AGBL4: variants seen among roughly 807,000 people sequenced by gnomAD.
AGBL4 encodes the protein cytosolic carboxypeptidase 6.
AGBL4 carries 58 observed loss-of-function variants against 66.4 expected under a neutral mutation model. The observed-to-expected ratio is 0.87, with a 90% CI of 0.71 to 1.09. AGBL4 has a LOEUF of 1.09. Ranked by LOEUF, AGBL4 falls within the 50% of genes least tolerant of loss-of-function variation. AGBL4 has a pLI of 0.00. For missense variants in AGBL4, 579 were observed against 631.0 expected (o/e 0.92, Z 0.88); for synonymous variants, 234 against 222.9 (o/e 1.05, Z -0.44).
At chr1:49,756,243 G>T (rs1437242879) in intron 2 of AGBL4, among the ~76,000 whole-genome samples, 1 of 151,558 alleles carries the variant, frequency 6.6e-6, no homozygotes. Context: ...TAACCACGCA[G>T]ATATACCAGG....
At chr1:49,848,144 G>A (rs1268321895) in intron 2 of AGBL4, among the ~76,000 whole-genome samples, 1 of 152,200 alleles carries the variant, frequency 6.6e-6, no homozygotes, top group East Asian at 1.9e-4. Flanking sequence ...AGAGACAAGA[G>A]AATGCTTATC....
intron 8 of AGBL4, among the ~76,000 whole-genome samples, chr1:48,643,106 CAT>C (rs1645783488): frequency 1.3e-5 from 2 of 152,206 alleles, no homozygotes; most frequent in Admixed American, 6.5e-5. Flanking sequence ...AAGTGCTACA[CAT>C]GTTAGCTGTT....
chr1:49,004,747 G>C (rs61786050), intron 5 of AGBL4, among the ~76,000 whole-genome samples: 1 of 152,192 alleles, frequency 6.6e-6, no homozygotes, highest in Non-Finnish European at 1.5e-5. Context: ...AAGTAAGGGG[G>C]ACATTTGATC....
rs1570266465 is a variant in AGBL4 at position 49,262,682 on chromosome 1, T to C, written c.283-16818A>G. On this transcript the variant is annotated intron_variant, in intron 3 of 13. Coordinates refer to ENST00000371839, the MANE Select transcript of AGBL4 (RefSeq NM_032785.4). ...AGGTGCTGGAGAGGATGTGGAGAAA[T>C]AGGAACACTTTTACACTGTTGGTGG... Among the ~76,000 whole-genome samples, 4 of 152,174 alleles carry C rather than the reference T, an allele frequency of 2.6e-5. No individual in the cohort carries two copies. In the East Asian group the frequency reaches 7.7e-4, roughly 29 times the overall value.
At chr1:49,872,413 A>G (rs1180428829) in intron 1 of AGBL4, among the ~76,000 whole-genome samples, 1 of 152,158 alleles carries the variant, frequency 6.6e-6, no homozygotes, top group East Asian at 1.9e-4. Context: ...AATGGCATTA[A>G]GAACAATGAG....
At position 48,938,828 on chromosome 1, in the gene AGBL4, T is replaced by A. The variant is rs1655700831; in HGVS notation, c.595-71598A>T. 2.0e-5 allele frequency among the ~76,000 whole-genome samples: 3 copies of A among 152,304 alleles called. No homozygotes were observed. In the South Asian group the frequency reaches 6.2e-4, roughly 32 times the overall value. On this transcript the variant is annotated intron_variant, in intron 5 of 13. Transcript: ENST00000371839. ...AGATCTAATGCCTCTCCTTTTGTTT[T>A]CCCCCAATATTTGTGTTTAACTTCA...
At chr1:49,760,820 A>C (rs1056257694) in intron 2 of AGBL4, among the ~76,000 whole-genome samples, 7 of 152,234 alleles carry the variant, frequency 4.6e-5, no homozygotes, top group African/African-American at 1.7e-4. Context: ...ATACATACAC[A>C]CCATCAAATA....
chr1:49,134,868 G>A (rs1645978230), intron 4 of AGBL4, among the ~76,000 whole-genome samples: 2 of 152,066 alleles, frequency 1.3e-5, no homozygotes, highest in Admixed American at 1.3e-4. Context: ...AGTGATAAAT[G>A]TCCATGAAAT....
chr1:49,438,405 T>C (rs544229705), intron 3 of AGBL4, among the ~76,000 whole-genome samples: 1 of 152,340 alleles, frequency 6.6e-6, no homozygotes, highest in Admixed American at 6.5e-5. Flanking sequence ...GGGAAATGTT[T>C]AGCAGGAATT....
At chr1:49,727,780 T>G (rs1649143237) in intron 2 of AGBL4, among the ~76,000 whole-genome samples, 1 of 152,292 alleles carries the variant, frequency 6.6e-6, no homozygotes, top group South Asian at 2.1e-4. Flanking sequence ...AGTCCCTATC[T>G]TCTGGAAAAA....
At chr1:49,821,040 T>C (rs1003672223) in intron 2 of AGBL4, among the ~76,000 whole-genome samples, 3 of 152,228 alleles carry the variant, frequency 2.0e-5, no homozygotes, top group Non-Finnish European at 4.4e-5. Context: ...ACAGTTTTAT[T>C]ACTTTTCTTG....
intron 3 of AGBL4, among the ~76,000 whole-genome samples, chr1:49,609,144 G>A (rs1031837917): frequency 6.6e-5 from 10 of 152,124 alleles, no homozygotes; most frequent in Non-Finnish European, 1.3e-4. Context: ...ACCACAAGGC[G>A]ATATATGCAA....
chr1:49,948,098 GTA>G (rs557776678), intron 1 of AGBL4, among the ~76,000 whole-genome samples: 5,533 of 87,584 alleles, frequency 0.063, 520 homozygotes, highest in East Asian at 0.45. Flanking sequence ...ATATGTATAT[GTA>G]TATATATGTA....
intron 11 of AGBL4, among the ~76,000 whole-genome samples, chr1:48,581,374 T>C (rs1458048397): frequency 2.6e-5 from 4 of 152,228 alleles, no homozygotes; most frequent in Non-Finnish European, 2.9e-5. Context: ...CTTATTTCAT[T>C]GTGTCCACAG....
intron 4 of AGBL4, among the ~76,000 whole-genome samples, chr1:49,085,289 ATC>A (rs1644885713): frequency 6.6e-6 from 1 of 151,586 alleles, no homozygotes; most frequent in Non-Finnish European, 1.5e-5. Flanking sequence ...CATCATCATC[ATC>A]ATCATCATCA....
At chr1:49,761,834 C>T (rs1359215396) in intron 2 of AGBL4, among the ~76,000 whole-genome samples, 1 of 152,166 alleles carries the variant, frequency 6.6e-6, no homozygotes, top group African/African-American at 2.4e-5. Flanking sequence ...GCCTGTTGAC[C>T]AATGTCTCCC....
chr1:49,111,003 C>G (rs1360776411), intron 4 of AGBL4, among the ~76,000 whole-genome samples: 1 of 152,072 alleles, frequency 6.6e-6, no homozygotes, highest in African/African-American at 2.4e-5. Flanking sequence ...CTCCTCCCCC[C>G]AAAAAAGTCT....
intron 4 of AGBL4, among the ~76,000 whole-genome samples, chr1:49,077,471 A>G (rs1265639180): frequency 6.6e-6 from 1 of 152,140 alleles, no homozygotes; most frequent in Non-Finnish European, 1.5e-5. Context: ...CATACCTACT[A>G]TAAAAATGTA....
intron 3 of AGBL4, among the ~76,000 whole-genome samples, chr1:49,459,884 T>G (rs977541123): frequency 6.6e-6 from 1 of 151,680 alleles, no homozygotes; most frequent in Non-Finnish European, 1.5e-5. Flanking sequence ...ATTCAAATAA[T>G]TTTTTAAATT....
Sources: gnomAD v4.1 joint callset for allele counts (sites outside exome capture counted in the v4.1 genomes callset) on GRCh38, gnomAD v4.1.1 for gene constraint, MANE v1.5 for transcripts, NCBI Gene and HGNC (gene_info 2026-07-23, HGNC 2026-07-21) for gene names.